The following STX2 variants were observed in gnomAD, a reference collection of about 807,000 sequenced individuals.
The protein encoded by STX2 is syntaxin 2.
STX2 carries 27 observed loss-of-function variants against 40.6 expected under a neutral mutation model. The observed-to-expected ratio is 0.66, with a 90% CI of 0.49 to 0.92. The LOEUF is 0.92. Ranked by LOEUF, STX2 falls within the 40% of genes least tolerant of loss-of-function variation. The pLI, the probability that STX2 is intolerant of heterozygous loss-of-function variation, is 0.00. For missense variants in STX2, 328 were observed against 366.1 expected (o/e 0.90, Z 0.85); for synonymous variants, 123 against 119.1 (o/e 1.03, Z -0.22).
At chr12:130,802,657 G>A (rs1052555803) in intron 6 of STX2, among the ~76,000 whole-genome samples, 1 of 152,034 alleles carries the variant, frequency 6.6e-6, no homozygotes, top group African/African-American at 2.4e-5. Flanking sequence ...ACCCATGCCT[G>A]GTTTATTTTT....
intron 2 of STX2, among the ~76,000 whole-genome samples, chr12:130,822,956 G>A (rs368774034): frequency 2.8e-4 from 43 of 152,306 alleles, no homozygotes; most frequent in East Asian, 2.1e-3. Flanking sequence ...AGCAAGGTGA[G>A]CCCTGGAGCA....
intron 4 of STX2, 96 bp from the exon 5 acceptor site, chr12:130,808,800 T>C (rs1320127810): frequency 9.1e-7 from 1 of 1,101,274 alleles, no homozygotes; most frequent in East Asian, 2.4e-5. Context: ...CTTTGAAGTA[T>C]CTTTATAAAA....
intron 3 of STX2, among the ~76,000 whole-genome samples, chr12:130,814,161 T>C: frequency 6.6e-6 from 1 of 151,720 alleles, no homozygotes; most frequent in Admixed American, 6.5e-5. Flanking sequence ...TCTCCAGAGG[T>C]GACAGGTCAC....
rs1432665328 is a variant in STX2 at position 130,821,770 on chromosome 12, T to C, written c.124A>G (p.Ser42Gly). ...FFHQVEEIRNSIDKITQYVEE... is the reference protein window; with the variant it reads ...FFHQVEEIRNGIDKITQYVEE... ...ACATATTGAGTTATTTTATCAATAC[T>C]GTTTCTAATCTCCTCCACCTAGGAG... The change falls in exon 3 of 11, where the codon AGT (serine) becomes GGT (glycine). Residue 42 changes from serine (S) to glycine (G), a missense_variant. Transcript: ENST00000392373. The C allele has an allele frequency of 7.5e-6, 12 of 1,608,394 alleles. No individual in the cohort carries two copies. The highest frequency in any genetic ancestry group is 2.2e-5 in the South Asian group (2 of 90,908).
chr12:130,816,205 C>A (rs1951852522), intron 3 of STX2, among the ~76,000 whole-genome samples: 1 of 152,264 alleles, frequency 6.6e-6, no homozygotes, highest in South Asian at 2.1e-4. Flanking sequence ...CAGCTGAGGA[C>A]GACTAGACTC....
intron 3 of STX2, among the ~76,000 whole-genome samples, chr12:130,819,077 G>C (rs1264715570): frequency 6.6e-6 from 1 of 152,238 alleles, no homozygotes; most frequent in Non-Finnish European, 1.5e-5. Flanking sequence ...CCTGGGATCC[G>C]CGGCTGCAGG....
chr12:130,827,768 T>C (rs1330336574), intron 1 of STX2, among the ~76,000 whole-genome samples: 11 of 152,108 alleles, frequency 7.2e-5, no homozygotes, highest in Non-Finnish European at 1.5e-5. Context: ...TAGCTGGGCC[T>C]AGTGGCCCAT....
chr12:130,821,855 A>C, intron 2 of STX2, 67 bp from the exon 3 acceptor site: 3 of 923,034 alleles, frequency 3.3e-6, no homozygotes, highest in Non-Finnish European at 3.5e-6. Flanking sequence ...CATCCCCTAA[A>C]AGGGGAAGAA....
chr12:130,794,152 C>T (rs1950958044), intron 10 of STX2, among the ~76,000 whole-genome samples: 1 of 138,894 alleles, frequency 7.2e-6, no homozygotes, highest in African/African-American at 2.4e-5. Flanking sequence ...ATTATAGCTA[C>T]TAGGAAAAAA....
chr12:130,821,037 T>C (rs1166584497), intron 3 of STX2, among the ~76,000 whole-genome samples: 1 of 152,166 alleles, frequency 6.6e-6, no homozygotes, highest in Non-Finnish European at 1.5e-5. Context: ...TAAAATCATG[T>C]CTTTTCTCCC....
intron 10 of STX2, among the ~76,000 whole-genome samples, chr12:130,792,583 T>C (rs766019797): frequency 1.4e-4 from 21 of 152,148 alleles, no homozygotes; most frequent in Non-Finnish European, 2.8e-4. Context: ...CCCACCTCAG[T>C]GTCCCAAGGA....
chr12:130,800,420 C>T (rs1361137980), intron 8 of STX2, among the ~76,000 whole-genome samples: 1 of 151,960 alleles, frequency 6.6e-6, no homozygotes, highest in Non-Finnish European at 1.5e-5. Flanking sequence ...CCCACCTCAG[C>T]CTCCCAGAGG....
chr12:130,838,387 G>C (rs1382857894), intron 1 of STX2, among the ~76,000 whole-genome samples: 3 of 152,178 alleles, frequency 2.0e-5, no homozygotes, highest in Admixed American at 6.5e-5. Context: ...AAAGTAAACA[G>C]TAACTTGCTG....
In STX2 at chr12:130,825,899, A is replaced by G. The variant is rs145179115; in HGVS notation, c.105+1294T>C. Among the ~76,000 whole-genome samples the G allele has an allele frequency of 3.6e-4, 55 of 152,320 alleles. No homozygotes were observed. The East Asian group carries it at 7.7e-3, about 21-fold the overall frequency. ...TTTCTTCATGTTTTACAAGGTCAAT[A>G]TATTTGTTCTGTGACTCAATTTCAA... On this transcript the variant is annotated intron_variant, in intron 2 of 10. Transcript: ENST00000392373.
At chr12:130,813,749 T>A (rs12310780) in intron 3 of STX2, among the ~76,000 whole-genome samples, 1 of 151,636 alleles carries the variant, frequency 6.6e-6, no homozygotes. Context: ...GTCTGCTCCA[T>A]GCCGCACACT....
In STX2 at chr12:130,807,228, C is replaced by T. The variant is rs548503878; in HGVS notation, c.355-138G>A. 70 of 783,176 alleles carry T rather than the reference C, an allele frequency of 8.9e-5. No individual in the cohort carries two copies. The East Asian group carries it at 1.9e-3, about 21-fold the overall frequency. 48.5% of individuals were successfully genotyped at this position (783,176 alleles called of 1,614,324 possible). ...ATGGAAAATGACAATGGCAAAGTCC[C>T]CATGGCAGCATCTGTGCTAAGAACT... On this transcript the variant is annotated intron_variant, in intron 5 of 10. Transcript: ENST00000392373.
chr12:130,817,162 C>G (rs1008639621), intron 3 of STX2, among the ~76,000 whole-genome samples: 2 of 150,564 alleles, frequency 1.3e-5, no homozygotes, highest in African/African-American at 2.4e-5. Context: ...ACTAACCCAT[C>G]CACAGAGGCA....
intron 1 of STX2, among the ~76,000 whole-genome samples, chr12:130,830,314 G>C (rs143456932): frequency 6.6e-6 from 1 of 152,098 alleles, no homozygotes. Flanking sequence ...CATGGTGACC[G>C]TCCCATGCTG....
At chr12:130,821,038 C>A (rs1403813956) in intron 3 of STX2, among the ~76,000 whole-genome samples, 1 of 152,210 alleles carries the variant, frequency 6.6e-6, no homozygotes, top group African/African-American at 2.4e-5. Context: ...AAAATCATGT[C>A]TTTTCTCCCA....
Sources: allele counts gnomAD v4.1 joint callset (sites outside exome capture counted in the v4.1 genomes callset), GRCh38; gene constraint gnomAD v4.1.1; transcripts MANE v1.5; gene names NCBI Gene and HGNC (gene_info 2026-07-23, HGNC 2026-07-21).